SUFU: variants seen among roughly 807,000 people sequenced by gnomAD.
SUFU encodes the protein SUFU negative regulator of hedgehog signaling.
SUFU carries 7 observed loss-of-function variants against 58.9 expected under a neutral mutation model. The ratio of observed to expected loss-of-function variants is 0.12; its 90% confidence interval spans 0.07 to 0.22. The LOEUF is 0.22. Ranked by LOEUF, SUFU falls within the 10% of genes least tolerant of loss-of-function variation. The pLI is 1.00. For synonymous variants in SUFU, 232 were observed against 254.8 expected, an observed-to-expected ratio of 0.91 and a Z score of 0.85; for missense variants, 451 against 641.3, an observed-to-expected ratio of 0.70 and a Z score of 3.20.
chr10:102,557,674 GACA>G (rs745395803), intron 3 of SUFU, among the ~76,000 whole-genome samples: 6 of 152,246 alleles, frequency 3.9e-5, no homozygotes, highest in Non-Finnish European at 8.8e-5. Flanking sequence ...AGGTGACTGG[GACA>G]ACAAGGGTTT....
intron 3 of SUFU, among the ~76,000 whole-genome samples, chr10:102,580,034 C>CT (rs2063259014): frequency 1.1e-5 from 1 of 89,776 alleles, no homozygotes; most frequent in African/African-American, 4.5e-5. Flanking sequence ...CCCGCACCCC[C>CT]CCCCCGCCCC....
upstream of SUFU, among the ~76,000 whole-genome samples, chr10:102,503,510 G>A (rs530665979): frequency 9.2e-5 from 14 of 152,100 alleles, no homozygotes; most frequent in Non-Finnish European, 1.6e-4. Context: ...AATGAGCCCA[G>A]TGCATTTTTT....
chr10:102,510,153 TGTTAA>T (rs2062382285), intron 2 of SUFU, among the ~76,000 whole-genome samples: 1 of 152,058 alleles, frequency 6.6e-6, no homozygotes, highest in African/African-American at 2.4e-5. Flanking sequence ...GAGTTCATAC[TGTTAA>T]TGACTGTATT....
At chr10:102,621,418 G>A (rs1476858501) in intron 10 of SUFU, among the ~76,000 whole-genome samples, 1 of 152,178 alleles carries the variant, frequency 6.6e-6, no homozygotes, top group African/African-American at 2.4e-5. Flanking sequence ...GTCTGAGCCC[G>A]CTTCTGGCCA....
At chr10:102,538,838 G>T (rs2062769657) in intron 2 of SUFU, among the ~76,000 whole-genome samples, 1 of 152,192 alleles carries the variant, frequency 6.6e-6, no homozygotes, top group African/African-American at 2.4e-5. Context: ...AAGAAACTGA[G>T]GTACAGAGAG....
intron 10 of SUFU, among the ~76,000 whole-genome samples, chr10:102,621,173 C>T (rs1429981806): frequency 6.6e-6 from 1 of 152,200 alleles, no homozygotes; most frequent in African/African-American, 2.4e-5. Context: ...GAATCCCCAG[C>T]CCATGCCCTG....
intron 3 of SUFU, among the ~76,000 whole-genome samples, chr10:102,584,739 A>T (rs1564692966): frequency 6.8e-6 from 1 of 147,622 alleles, no homozygotes; most frequent in Non-Finnish European, 1.5e-5. Context: ...TGTTTAGGTT[A>T]AAAAAAAAAG....
At chr10:102,507,913 G>C (rs968427872) in intron 1 of SUFU, among the ~76,000 whole-genome samples, 1 of 150,732 alleles carries the variant, frequency 6.6e-6, no homozygotes, top group African/African-American at 2.4e-5. Context: ...TCCTTCCACT[G>C]ATGGTTTCTA....
chr10:102,568,899 TATATATATATATATATATATACAC>T (rs2063126309), intron 3 of SUFU, among the ~76,000 whole-genome samples: 6 of 8,512 alleles, frequency 7.0e-4, no homozygotes, highest in African/African-American at 4.0e-3. Context: ...AAAAAAAAAA[TATATATATATATATATATATACAC>T]ATATATATAT....
Position 102,619,164 on chromosome 10 carries a change from A to G in SUFU, c.1296+1736A>G. ...ATCTCCAATTTTCAGCAGCTCAAGA[A>G]CCTTGGCCCCCACAGGACTTCGCAG... On this transcript the variant is annotated intron_variant, in intron 10 of 11. Coordinates refer to ENST00000369902, the MANE Select transcript of SUFU (RefSeq NM_016169.4). The surrounding 1 kb of genome is among the most constrained non-coding windows in gnomAD (Gnocchi z 4.2). 2 of 1,610,626 alleles carry G rather than the reference A, an allele frequency of 1.2e-6. No individual in the cohort carries two copies. Among genetic ancestry groups the G allele is most frequent in the East Asian group, 4.5e-5 (2 of 44,860 alleles).
In SUFU at chr10:102,617,906, T is replaced by G; in HGVS notation, c.1296+478T>G. 1 of 258,984 alleles carries G rather than the reference T, an allele frequency of 3.9e-6. No individual in the cohort carries two copies. Among genetic ancestry groups the G allele is most frequent in the Non-Finnish European group, 7.4e-6 (1 of 135,922 alleles). The allele number at this position is 258,984 out of a possible 1,614,324, so 16.0% of individuals were successfully genotyped here. A position where few individuals can be genotyped will look rare whatever the true frequency, so the allele number is the denominator to read the frequency against. Reference sequence around the variant, plus strand: ...CTCAGTGGGAAGAGCCTCCCCTTCTTAGCCTACCCCCATCTGACAGCCCTC... The same window carrying G: ...CTCAGTGGGAAGAGCCTCCCCTTCTGAGCCTACCCCCATCTGACAGCCCTC... On this transcript the variant is annotated intron_variant, in intron 10 of 11. Coordinates refer to ENST00000369902, the MANE Select transcript of SUFU (RefSeq NM_016169.4). This position sits in a 1 kb window ranked among gnomAD's most constrained non-coding sequence, Gnocchi z 4.4.
chr10:102,543,075 G>T (rs2062820931), intron 2 of SUFU, among the ~76,000 whole-genome samples: 2 of 152,170 alleles, frequency 1.3e-5, no homozygotes, highest in Admixed American at 1.3e-4. Flanking sequence ...TAAGTTCTTA[G>T]AAGTGGGATT....
At chr10:102,557,551 G>A (rs895468909) in intron 3 of SUFU, among the ~76,000 whole-genome samples, 2 of 151,784 alleles carry the variant, frequency 1.3e-5, no homozygotes, top group South Asian at 4.1e-4. Flanking sequence ...CAGGGAGGTC[G>A]AGGCTGCAGT....
intron 2 of SUFU, among the ~76,000 whole-genome samples, chr10:102,512,904 A>G (rs1487251368): frequency 2.0e-5 from 3 of 151,926 alleles, no homozygotes; most frequent in African/African-American, 7.3e-5. Flanking sequence ...CCCCATCTCT[A>G]CAGAAAATAC....
At chr10:102,579,807 T>G (rs2063254358) in intron 3 of SUFU, 1 of 985,126 alleles carries the variant, frequency 1.0e-6, no homozygotes, top group Admixed American at 6.2e-5. Flanking sequence ...AACCAAACAC[T>G]CAAATGAACT....
intron 2 of SUFU, among the ~76,000 whole-genome samples, chr10:102,546,902 G>A (rs976430669): frequency 5.3e-5 from 8 of 152,264 alleles, no homozygotes; most frequent in African/African-American, 1.4e-4. Flanking sequence ...AGCACCCTGC[G>A]TGGAGGCAGA....
At chr10:102,602,931 T>A (rs1393949762) in intron 8 of SUFU, among the ~76,000 whole-genome samples, 1 of 152,196 alleles carries the variant, frequency 6.6e-6, no homozygotes, top group East Asian at 1.9e-4. Flanking sequence ...TCCCACTGCC[T>A]GCTCGGGTGA....
At chr10:102,538,673 C>G (rs2062768145) in intron 2 of SUFU, among the ~76,000 whole-genome samples, 1 of 152,190 alleles carries the variant, frequency 6.6e-6, no homozygotes, top group African/African-American at 2.4e-5. Flanking sequence ...TGTCAACATC[C>G]TTACCCAGAT....
In SUFU at chr10:102,617,560, GCC is replaced by G. The variant is rs1451636447; in HGVS notation, c.1296+133_1296+134del. On this transcript the variant is annotated intron_variant, in intron 10 of 11. Transcript: ENST00000369902. The surrounding 1 kb of genome is among the most constrained non-coding windows in gnomAD (Gnocchi z 4.4). ...GTCATGAATGCCTCATGGATTCAGG[GCC>G]TGGGGCCTGTGTGTAGGTATGGAGT... is the stretch of plus-strand genomic sequence containing the variant. The G allele has an allele frequency of 2.4e-6, 3 of 1,273,106 alleles. No homozygotes were observed. Among genetic ancestry groups the G allele is most frequent in the Non-Finnish European group, 2.3e-6 (2 of 886,540 alleles). 78.9% of individuals were successfully genotyped at this position (1,273,106 alleles called of 1,614,324 possible).
Sources: gnomAD v4.1 joint callset for allele counts (sites outside exome capture counted in the v4.1 genomes callset) on GRCh38, gnomAD v4.1.1 for gene constraint, Gnocchi (gnomAD v3.1) non-coding constraint, MANE v1.5 for transcripts, NCBI Gene and HGNC (gene_info 2026-07-23, HGNC 2026-07-21) for gene names.